The following HTR2C variants were observed in gnomAD, a reference collection of about 807,000 sequenced individuals.
The protein encoded by HTR2C is 5-hydroxytryptamine (serotonin) receptor 2C, G protein-coupled.
In HTR2C, 5 loss-of-function variants were observed where a neutral mutation model predicts 21.0. That is an observed-to-expected ratio of 0.24 (90% CI 0.12 to 0.50). The LOEUF (loss-of-function observed/expected upper bound fraction) is 0.50. Among genes scored for constraint, HTR2C ranks in the 20% least tolerant of loss-of-function variants. HTR2C has a pLI of 0.98. For missense variants in HTR2C, 271 were observed against 371.2 expected, an observed-to-expected ratio of 0.73 and a Z score of 2.22; for synonymous variants, 150 against 145.3, an observed-to-expected ratio of 1.03 and a Z score of -0.23.
At chrX:114,846,317 T>G (rs1193501670) in intron 4 of HTR2C, among the ~76,000 whole-genome samples, 2 of 112,077 alleles carry the variant, frequency 1.8e-5, no homozygotes, top group Non-Finnish European at 3.8e-5. Flanking sequence ...TTGTAATATA[T>G]TCTATTAGAC....
intron 5 of HTR2C, among the ~76,000 whole-genome samples, chrX:114,876,736 AT>A (rs1251952903): frequency 8.1e-5 from 9 of 110,865 alleles, no homozygotes; most frequent in Admixed American, 7.7e-4. Flanking sequence ...GATGTATCAC[AT>A]TTATTGATTT....
chrX:114,851,914 G>A (rs1308080099), intron 5 of HTR2C, among the ~76,000 whole-genome samples: 1 of 110,658 alleles, frequency 9.0e-6, no homozygotes, highest in Non-Finnish European at 1.9e-5. Context: ...CCCAATTCAC[G>A]AACACAGGAC....
Position 114,644,791 on chromosome X carries a change from T to C in HTR2C, c.-80+30910T>C, listed in dbSNP as rs5946149. Among the ~76,000 whole-genome samples the C allele has an allele frequency of 5.2e-3, 571 of 110,157 alleles. 6 individuals carry two copies. The highest frequency in any genetic ancestry group is 9.2e-3 in the Non-Finnish European group (485 of 52,848). ...ATTGGTGGTATCATACTGTGGAAAA[T>C]AAATGAAAAGTGAGAGCATAGTAAT... is the stretch of plus-strand genomic sequence containing the variant. On this transcript the variant is annotated intron_variant, in intron 2 of 5. Transcript: ENST00000276198.
intron 2 of HTR2C, among the ~76,000 whole-genome samples, chrX:114,627,305 A>C (rs1421910186): frequency 3.6e-5 from 4 of 110,424 alleles, no homozygotes; most frequent in Non-Finnish European, 7.5e-5. Flanking sequence ...CCCTTCTTCT[A>C]CTTGTGCCTA....
intron 2 of HTR2C, among the ~76,000 whole-genome samples, chrX:114,707,183 C>T (rs1328453776): frequency 1.8e-5 from 2 of 111,534 alleles, no homozygotes; most frequent in Non-Finnish European, 3.8e-5. Context: ...TAAGTGCATA[C>T]TATTTGTCTG....
At chrX:114,672,461 T>C (rs1205079291) in intron 2 of HTR2C, among the ~76,000 whole-genome samples, 3 of 112,065 alleles carry the variant, frequency 2.7e-5, no homozygotes, top group Admixed American at 1.9e-4. Flanking sequence ...CTGGATTAAA[T>C]AAAATCATAT....
intron 5 of HTR2C, among the ~76,000 whole-genome samples, chrX:114,866,547 AT>A (rs2071047183): frequency 9.1e-6 from 1 of 109,882 alleles, no homozygotes; most frequent in Non-Finnish European, 1.9e-5. Flanking sequence ...TGTAATTATT[AT>A]TGACTATAGT....
intron 2 of HTR2C, among the ~76,000 whole-genome samples, chrX:114,702,233 A>G (rs1278680419): frequency 1.8e-5 from 2 of 109,054 alleles, no homozygotes; most frequent in Non-Finnish European, 3.8e-5. Context: ...CTCCTCGAGA[A>G]AAGCAACTCC....
At chrX:114,675,871 T>TC (rs1244546857) in intron 2 of HTR2C, among the ~76,000 whole-genome samples, 6 of 99,672 alleles carry the variant, frequency 6.0e-5, no homozygotes, top group Non-Finnish European at 9.9e-5. Context: ...CTTTTTTCTT[T>TC]TTTCTTTTTT....
chrX:114,594,227 AT>A (rs1168136330), intron 1 of HTR2C, among the ~76,000 whole-genome samples: 5 of 111,749 alleles, frequency 4.5e-5, no homozygotes, highest in Non-Finnish European at 9.4e-5. Flanking sequence ...GCCATATCTT[AT>A]AGTTAATCTA....
At position 114,898,362 on chromosome X, in the gene HTR2C, G is replaced by C. The variant is rs912636539; in HGVS notation, c.551-8227G>C. ...TTATAGGTTGTCTGCTCATTCTTAT[G>C]ACAGTTTATTTTGCTCTGCAGAAGC... On this transcript the variant is annotated intron_variant, in intron 5 of 5. Coordinates refer to ENST00000276198, the MANE Select transcript of HTR2C (RefSeq NM_000868.4). Among the ~76,000 whole-genome samples the C allele has an allele frequency of 2.7e-5, 3 of 111,760 alleles. No homozygotes were observed. In the South Asian group the frequency reaches 1.1e-3, roughly 42 times the overall value.
intron 4 of HTR2C, among the ~76,000 whole-genome samples, chrX:114,807,165 C>G (rs184205895): frequency 4.1e-4 from 9 of 21,964 alleles, no homozygotes; most frequent in African/African-American, 3.2e-3. Flanking sequence ...ATATATATAC[C>G]CCATATATAC....
intron 4 of HTR2C, among the ~76,000 whole-genome samples, chrX:114,830,168 A>G (rs2070708844): frequency 9.0e-6 from 1 of 111,409 alleles, no homozygotes; most frequent in African/African-American, 3.3e-5. Flanking sequence ...TGGTGTTGCC[A>G]CTATAGATGG....
chrX:114,824,214 C>T (rs1473761525), intron 4 of HTR2C, among the ~76,000 whole-genome samples: 1 of 111,282 alleles, frequency 9.0e-6, no homozygotes, highest in Non-Finnish European at 1.9e-5. Context: ...CTGTCAGCTG[C>T]AGTATCCAAT....
chrX:114,601,793 T>TG (rs782340825), intron 1 of HTR2C, among the ~76,000 whole-genome samples: 67 of 102,182 alleles, frequency 6.6e-4, no homozygotes, highest in African/African-American at 2.3e-3. Flanking sequence ...GCGAAAATTT[T>TG]GGGGGGGTGG....
intron 5 of HTR2C, among the ~76,000 whole-genome samples, chrX:114,901,482 T>A (rs1294320399): frequency 9.0e-6 from 1 of 111,710 alleles, no homozygotes; most frequent in African/African-American, 3.2e-5. Flanking sequence ...GTTATAATAG[T>A]GGTAACGTTA....
chrX:114,727,862 A>G (rs1260516888), intron 3 of HTR2C, among the ~76,000 whole-genome samples: 1 of 111,634 alleles, frequency 9.0e-6, no homozygotes, highest in African/African-American at 3.3e-5. Flanking sequence ...AGAGAACTAG[A>G]GCAGACAACT....
At chrX:114,665,231 C>T (rs1931132943) in intron 2 of HTR2C, among the ~76,000 whole-genome samples, 1 of 111,811 alleles carries the variant, frequency 8.9e-6, no homozygotes, top group African/African-American at 3.2e-5. Context: ...TTGGAAGTAT[C>T]CTGTTTTCAG....
At chrX:114,820,113 C>T (rs1302623058) in intron 4 of HTR2C, among the ~76,000 whole-genome samples, 1 of 110,173 alleles carries the variant, frequency 9.1e-6, no homozygotes, top group African/African-American at 3.3e-5. Context: ...GGATTTTCTG[C>T]GTTCCCCTTT....
Sources: gnomAD v4.1 joint callset for allele counts (sites outside exome capture counted in the v4.1 genomes callset) on GRCh38, gnomAD v4.1.1 for gene constraint, MANE v1.5 for transcripts, NCBI Gene and HGNC (gene_info 2026-07-23, HGNC 2026-07-21) for gene names.